Variants in RNLS observed in about 807,000 individuals in gnomAD.
RNLS encodes the protein renalase.
RNLS carries 39 observed loss-of-function variants against 39.8 expected under a neutral mutation model. The ratio of observed to expected loss-of-function variants is 0.98; its 90% CI spans 0.76 to 1.28. The LOEUF is 1.28. RNLS is among the 50% of genes most tolerant of loss of function. The probability of loss-of-function intolerance (pLI) is 0.00; values close to 1 mark genes in which losing one functional copy is unlikely to be tolerated. For synonymous variants in RNLS, 147 were observed against 150.7 expected, an observed-to-expected ratio of 0.98 and a Z score of 0.18; for missense variants, 410 against 413.3, an observed-to-expected ratio of 0.99 and a Z score of 0.07.
At chr10:88,370,545 T>C (rs1850471580) in intron 4 of RNLS, among the ~76,000 whole-genome samples, 1 of 152,202 alleles carries the variant, frequency 6.6e-6, no homozygotes, top group African/African-American at 2.4e-5. Flanking sequence ...AACTAAGTTC[T>C]GATCAAGGAA....
At chr10:88,402,997 C>G (rs1224574202) in intron 4 of RNLS, among the ~76,000 whole-genome samples, 1 of 151,994 alleles carries the variant, frequency 6.6e-6, no homozygotes, top group Non-Finnish European at 1.5e-5. Context: ...CTCACGGCCC[C>G]CAGTGAATCT....
intron 4 of RNLS, among the ~76,000 whole-genome samples, chr10:88,442,713 G>A (rs891340139): frequency 6.6e-6 from 1 of 151,854 alleles, no homozygotes; most frequent in Non-Finnish European, 1.5e-5. Flanking sequence ...CCTACACCAC[G>A]TTCCCTAGGA....
At chr10:88,487,780 A>G (rs1844621417) in intron 4 of RNLS, among the ~76,000 whole-genome samples, 1 of 152,190 alleles carries the variant, frequency 6.6e-6, no homozygotes, top group Non-Finnish European at 1.5e-5. Flanking sequence ...CTTGCCCACA[A>G]ATGATCATAG....
the RNLS span, among the ~76,000 whole-genome samples, chr10:88,214,004 T>A: frequency 6.6e-6 from 1 of 152,156 alleles, no homozygotes; most frequent in Non-Finnish European, 1.5e-5. Flanking sequence ...CACAGCTGGA[T>A]TCAGGACTCA....
chr10:88,239,582 C>A, the RNLS span, among the ~76,000 whole-genome samples: 1 of 152,218 alleles, frequency 6.6e-6, no homozygotes, highest in Non-Finnish European at 1.5e-5. Flanking sequence ...TTGTTATTAG[C>A]AAAACATCTC....
intron 4 of RNLS, among the ~76,000 whole-genome samples, chr10:88,473,340 TGA>T (rs1326533365): frequency 6.6e-6 from 1 of 152,044 alleles, no homozygotes; most frequent in Non-Finnish European, 1.5e-5. Flanking sequence ...CAACTCAAGA[TGA>T]GAGTTTGTCT....
At chr10:88,399,580 G>A (rs1564768208) in intron 4 of RNLS, among the ~76,000 whole-genome samples, 1 of 151,946 alleles carries the variant, frequency 6.6e-6, no homozygotes, top group Non-Finnish European at 1.5e-5. Flanking sequence ...ATAGGCAAAT[G>A]CATAGAAACA....
intron 4 of RNLS, among the ~76,000 whole-genome samples, chr10:88,557,623 T>C (rs1012029947): frequency 1.3e-5 from 2 of 152,170 alleles, no homozygotes; most frequent in Admixed American, 6.6e-5. Context: ...CTTTTTTTTA[T>C]CCTTCCCTTC....
intron 4 of RNLS, among the ~76,000 whole-genome samples, chr10:88,402,816 C>T (rs1015349601): frequency 6.6e-6 from 1 of 151,894 alleles, no homozygotes; most frequent in Non-Finnish European, 1.5e-5. Flanking sequence ...GAGATATTGA[C>T]AAAAGTACTG....
chr10:88,235,123 G>T, the RNLS span, among the ~76,000 whole-genome samples: 1 of 151,942 alleles, frequency 6.6e-6, no homozygotes, highest in South Asian at 2.1e-4. Context: ...TTAGCCGGGC[G>T]TCGGGGTGGT....
At chr10:88,430,673 C>T (rs1190891219) in intron 4 of RNLS, among the ~76,000 whole-genome samples, 2 of 151,712 alleles carry the variant, frequency 1.3e-5, no homozygotes, top group African/African-American at 4.8e-5. Flanking sequence ...TCCTGGTTTG[C>T]TATTCCTGGT....
intron 4 of RNLS, among the ~76,000 whole-genome samples, chr10:88,479,223 C>T (rs372629033): frequency 2.2e-4 from 34 of 152,168 alleles, no homozygotes; most frequent in African/African-American, 6.7e-4. Context: ...TATATCAGAG[C>T]GAAAAGTCAA....
At chr10:88,378,991 G>A (rs11202735) in intron 4 of RNLS, among the ~76,000 whole-genome samples, 34,992 of 152,060 alleles carry the variant, frequency 0.23, 4,623 homozygotes, top group Non-Finnish European at 0.28. Flanking sequence ...ATTATGTACT[G>A]TATATATTTG....
At chr10:88,245,139 C>T in the RNLS span, among the ~76,000 whole-genome samples, 2 of 152,220 alleles carry the variant, frequency 1.3e-5, no homozygotes. Flanking sequence ...TATCTGGCAT[C>T]AGCTCGAAGA....
At chr10:88,264,786 G>A in the RNLS span, among the ~76,000 whole-genome samples, 1 of 152,150 alleles carries the variant, frequency 6.6e-6, no homozygotes, top group African/African-American at 2.4e-5. Flanking sequence ...TTCTGTGGTT[G>A]TTTGTTTACT....
intron 4 of RNLS, among the ~76,000 whole-genome samples, chr10:88,398,964 AGT>A (rs1346666230): frequency 6.6e-6 from 1 of 152,066 alleles, no homozygotes; most frequent in African/African-American, 2.4e-5. Flanking sequence ...CCAATTAAAC[AGT>A]GGACAAAAAA....
intron 5 of RNLS, among the ~76,000 whole-genome samples, chr10:88,353,502 T>C (rs1438126513): frequency 6.6e-6 from 1 of 152,242 alleles, no homozygotes; most frequent in Non-Finnish European, 1.5e-5. Flanking sequence ...TTGTTCAGTT[T>C]CCATGTAGTT....
At chr10:88,197,877 C>T in the RNLS span, among the ~76,000 whole-genome samples, 66 of 152,302 alleles carry the variant, frequency 4.3e-4, no homozygotes, top group Admixed American at 5.9e-4. Context: ...ACCAGAAACT[C>T]ACCATACTGG....
At chr10:88,177,254 G>T in the RNLS span, among the ~76,000 whole-genome samples, 2 of 152,070 alleles carry the variant, frequency 1.3e-5, no homozygotes, top group African/African-American at 2.4e-5. Flanking sequence ...TGTCCCATAT[G>T]GTTTCCTTAT....
Sources: allele counts gnomAD v4.1 joint callset (sites outside exome capture counted in the v4.1 genomes callset), GRCh38; gene constraint gnomAD v4.1.1; transcripts MANE v1.5; gene names NCBI Gene and HGNC (gene_info 2026-07-23, HGNC 2026-07-21).